The following TMEM74 variants were observed in gnomAD, a reference collection of about 807,000 sequenced individuals.
TMEM74 encodes the protein transmembrane protein 74.
Under a neutral mutation model 18.1 loss-of-function variants are expected in TMEM74, and 13 were observed. The ratio of observed to expected loss-of-function variants is 0.72; its 90% confidence interval spans 0.47 to 1.14. The LOEUF (loss-of-function observed/expected upper bound fraction) is 1.14. Ranked by LOEUF, TMEM74 falls within the 50% of genes most tolerant of loss-of-function variation. The pLI is 0.00. For synonymous variants in TMEM74, 159 were observed against 146.6 expected (o/e 1.08, Z -0.61); for missense variants, 372 against 375.9 (o/e 0.99, Z 0.09).
chr8:108,672,195 C>T (rs1163057123), intron 1 of TMEM74, among the ~76,000 whole-genome samples: 1 of 152,080 alleles, frequency 6.6e-6, no homozygotes, highest in Non-Finnish European at 1.5e-5. Context: ...AGTGCTAGTA[C>T]ATGGATCCTT....
At chr8:108,652,442 C>A in intron 2 of TMEM74, 1 of 343,812 alleles carries the variant, frequency 2.9e-6, no homozygotes, top group Non-Finnish European at 5.5e-6. Flanking sequence ...ATCTGAATAC[C>A]TAAAATATCT....
chr8:108,627,076 A>G (rs1186860350), intron 2 of TMEM74, among the ~76,000 whole-genome samples: 2 of 152,046 alleles, frequency 1.3e-5, no homozygotes, highest in African/African-American at 4.8e-5. Flanking sequence ...ATAATTCAAA[A>G]TGTTTACCAC....
At chr8:108,729,752 A>G (rs1315144624) in intron 1 of TMEM74, among the ~76,000 whole-genome samples, 1 of 152,192 alleles carries the variant, frequency 6.6e-6, no homozygotes, top group East Asian at 1.9e-4. Context: ...TCAATTCCAG[A>G]AACTTTGGTT....
At chr8:108,652,123 T>A (rs568481635) in intron 2 of TMEM74, among the ~76,000 whole-genome samples, 11 of 152,286 alleles carry the variant, frequency 7.2e-5, no homozygotes, top group African/African-American at 2.4e-4. Context: ...TTACTCGCAT[T>A]AACTCTTTCA....
chr8:108,654,704 A>G lies in TMEM74; in HGVS notation n.264+589T>C, dbSNP rs188094179. Among the ~76,000 whole-genome samples, 216 of 152,236 alleles carry G rather than the reference A, an allele frequency of 1.4e-3. 2 individuals carry two copies. Among genetic ancestry groups the G allele is most frequent in the Non-Finnish European group, 2.6e-3 (175 of 68,018 alleles). On this transcript the variant is annotated intron_variant and non_coding_transcript_variant, in intron 2 of 3. Coordinates refer to the TMEM74 transcript ENST00000518838. ...CATTCTAATTATTATGCCTGAATCAATACCTTTATTCCTTCTTGCCATCCT... is the reference window on the plus strand; with the variant it reads ...CATTCTAATTATTATGCCTGAATCAGTACCTTTATTCCTTCTTGCCATCCT...
chr8:108,716,997 T>A (rs1350128610), intron 1 of TMEM74, among the ~76,000 whole-genome samples: 1 of 152,022 alleles, frequency 6.6e-6, no homozygotes, highest in Non-Finnish European at 1.5e-5. Context: ...TGCCTCATTA[T>A]GAACTATAAG....
At chr8:108,709,097 G>GAAATGTATGAAAAA (rs1813449502) in intron 1 of TMEM74, among the ~76,000 whole-genome samples, 3 of 152,100 alleles carry the variant, frequency 2.0e-5, no homozygotes, top group African/African-American at 7.2e-5. Flanking sequence ...AAATTTTGCA[G>GAAATGTATGAAAAA]CAGCTATGAA....
exon 4 of TMEM74, chr8:108,607,608 A>G (rs1056564722): frequency 2.0e-5 from 3 of 152,228 alleles, no homozygotes; most frequent in African/African-American, 7.2e-5. Context: ...TATCACATAT[A>G]GTGATGACAC....
intron 1 of TMEM74, among the ~76,000 whole-genome samples, chr8:108,690,080 T>C (rs1813209922): frequency 6.6e-6 from 1 of 152,088 alleles, no homozygotes; most frequent in Non-Finnish European, 1.5e-5. Flanking sequence ...TACACACGTA[T>C]ATATACACTC....
intron 1 of TMEM74, among the ~76,000 whole-genome samples, chr8:108,684,568 CT>C (rs1381935880): frequency 1.3e-5 from 2 of 151,874 alleles, no homozygotes; most frequent in Non-Finnish European, 2.9e-5. Flanking sequence ...TGTGCAGAAG[CT>C]TTTTAGTTTG....
chr8:108,676,196 G>C (rs368605154), intron 1 of TMEM74, among the ~76,000 whole-genome samples: 1 of 152,076 alleles, frequency 6.6e-6, no homozygotes, highest in Non-Finnish European at 1.5e-5. Context: ...ATGCAGGACC[G>C]CAAAATCCTT....
At chr8:108,701,832 A>T (rs2935798) in intron 1 of TMEM74, among the ~76,000 whole-genome samples, 29,937 of 152,086 alleles carry the variant, frequency 0.2, 3,106 homozygotes, top group East Asian at 0.29. Flanking sequence ...TTTCTCCCCA[A>T]ATTGATCTAT....
intron 1 of TMEM74, among the ~76,000 whole-genome samples, chr8:108,669,775 C>T (rs138136202): frequency 0.029 from 4,467 of 152,052 alleles, 117 homozygotes; most frequent in African/African-American, 0.066. Flanking sequence ...TGGTGGCTCA[C>T]GCCAGTAATC....
At position 108,756,699 on chromosome 8, in the gene TMEM74, G is replaced by GAAA. The variant is rs1563543826; in HGVS notation, n.119+30776_119+30777insTTT. ...AAGAAAGAAAGAAAGAAAGAAAGAA[G>GAAA]GAAGGAAAGAAAGAAAGAAAGAGAA... is the stretch of plus-strand genomic sequence containing the variant. On this transcript the variant is annotated intron_variant and non_coding_transcript_variant, in intron 1 of 3. Transcript: ENST00000518838. Among the ~76,000 whole-genome samples, 127 of 44,414 alleles carry GAAA rather than the reference G, an allele frequency of 2.9e-3. 2 individuals are homozygous for GAAA. The highest frequency in any genetic ancestry group is 6.3e-3 in the African/African-American group (67 of 10,674). The allele number at this position is 44,414 out of a possible 152,430, so 29.1% of individuals were successfully genotyped here.
At chr8:108,657,851 A>T (rs1183540286) in intron 1 of TMEM74, among the ~76,000 whole-genome samples, 92 of 43,624 alleles carry the variant, frequency 2.1e-3, no homozygotes, top group African/African-American at 2.3e-3. Flanking sequence ...TCAAAAAAAA[A>T]AAAAAAAAAT....
chr8:108,673,486 G>A (rs1813023535), intron 1 of TMEM74, among the ~76,000 whole-genome samples: 1 of 152,184 alleles, frequency 6.6e-6, no homozygotes, highest in South Asian at 2.1e-4. Flanking sequence ...TGAATCTTCA[G>A]GACACCTAGG....
At chr8:108,699,391 C>T (rs576983463) in intron 1 of TMEM74, among the ~76,000 whole-genome samples, 57 of 151,948 alleles carry the variant, frequency 3.8e-4, no homozygotes, top group African/African-American at 7.0e-4. Flanking sequence ...GTCCTACTCT[C>T]GACCATGCCT....
intron 1 of TMEM74, among the ~76,000 whole-genome samples, chr8:108,687,333 AC>A (rs1166740324): frequency 7.2e-6 from 1 of 139,856 alleles, no homozygotes; most frequent in Non-Finnish European, 1.5e-5. Context: ...AGATCCATCA[AC>A]AAAGTTAAAA....
At chr8:108,766,544 A>G (rs1814108984) in intron 1 of TMEM74, among the ~76,000 whole-genome samples, 1 of 152,178 alleles carries the variant, frequency 6.6e-6, no homozygotes, top group South Asian at 2.1e-4. Flanking sequence ...GCCACCATAA[A>G]ATGTGCCTCC....
Sources: allele counts gnomAD v4.1 joint callset (sites outside exome capture counted in the v4.1 genomes callset), GRCh38; gene constraint gnomAD v4.1.1; transcripts MANE v1.5; gene names NCBI Gene and HGNC (gene_info 2026-07-23, HGNC 2026-07-21).